Variants in LRRC75A observed in about 807,000 individuals in gnomAD.
The protein encoded by LRRC75A is leucine-rich repeat-containing protein 75A.
A neutral mutation model predicts 26.0 loss-of-function variants in LRRC75A; 12 were observed. The observed-to-expected ratio is 0.46, with a 90% CI of 0.30 to 0.75. The LOEUF (loss-of-function observed/expected upper bound fraction) is 0.75. Among genes scored for constraint, LRRC75A ranks in the 30% least tolerant of loss-of-function variants. The probability of loss-of-function intolerance (pLI) is 0.08; values close to 1 mark genes in which losing one functional copy is unlikely to be tolerated. For synonymous variants in LRRC75A, 223 were observed against 219.3 expected, an observed-to-expected ratio of 1.02 and a Z score of -0.15; for missense variants, 410 against 486.6, an observed-to-expected ratio of 0.84 and a Z score of 1.48.
intron 2 of LRRC75A, among the ~76,000 whole-genome samples, chr17:16,456,678 A>AG (rs2093688193): frequency 6.6e-6 from 1 of 152,208 alleles, no homozygotes; most frequent in African/African-American, 2.4e-5. Flanking sequence ...GGAGGGAAGG[A>AG]GGGACCTCTG....
chr17:16,444,180 T>A lies in LRRC75A; in HGVS notation c.492-49A>T, dbSNP rs1258782395. 5.5e-6 allele frequency: 8 copies of A among 1,450,220 alleles called. No individual in the cohort carries two copies. The South Asian group carries it at 1.1e-4, about 20-fold the overall frequency. 89.8% of individuals were successfully genotyped at this position (1,450,220 alleles called of 1,614,324 possible). On this transcript the variant is annotated intron_variant, in intron 3 of 3. Transcript: ENST00000470794. ...GGCTCAGGCACATAGGGCAGGCCTT[T>A]CCCCCAGAAGCTGCAGTGCCAGCCT...
chr17:16,481,049 C>T (rs2093832821), intron 1 of LRRC75A, among the ~76,000 whole-genome samples: 1 of 152,218 alleles, frequency 6.6e-6, no homozygotes, highest in Non-Finnish European at 1.5e-5. Flanking sequence ...GGTCTTCTCA[C>T]CAAAGGAGCC....
chr17:16,480,559 G>A (rs1388588548), intron 1 of LRRC75A, among the ~76,000 whole-genome samples: 1 of 151,426 alleles, frequency 6.6e-6, no homozygotes, highest in Non-Finnish European at 1.5e-5. Context: ...AACCCAGGAG[G>A]TGGAGGTTGC....
Position 16,467,841 on chromosome 17 carries a change from C to G in LRRC75A, c.247-5455G>C, listed in dbSNP as rs552294694. Among the ~76,000 whole-genome samples, 10 of 152,326 alleles carry G rather than the reference C, an allele frequency of 6.6e-5. No homozygotes were observed. The South Asian group carries it at 2.1e-3, about 32-fold the overall frequency. ...GAGGCCTCTGAAGCAACTGATATCT[C>G]TACAGCAACTTCTCCAAGTCACCAA... On this transcript the variant is annotated intron_variant, in intron 1 of 3. Transcript: ENST00000470794.
chr17:16,482,278 C>T (rs989686185), intron 1 of LRRC75A, among the ~76,000 whole-genome samples: 9 of 152,118 alleles, frequency 5.9e-5, no homozygotes, highest in African/African-American at 1.7e-4. Flanking sequence ...CTTCAGTGGA[C>T]GAGGGTGTCC....
intron 1 of LRRC75A, among the ~76,000 whole-genome samples, chr17:16,489,214 A>C (rs1233885366): frequency 1.3e-5 from 2 of 152,196 alleles, no homozygotes; most frequent in Non-Finnish European, 2.9e-5. Context: ...GGGCATACAC[A>C]AATCCAGCAG....
intron 2 of LRRC75A, among the ~76,000 whole-genome samples, chr17:16,452,874 T>C (rs894877668): frequency 6.6e-6 from 1 of 152,096 alleles, no homozygotes; most frequent in Non-Finnish European, 1.5e-5. Flanking sequence ...ATGTAGCCAG[T>C]CTCCAAAGCT....
intron 1 of LRRC75A, among the ~76,000 whole-genome samples, chr17:16,474,657 G>A (rs2093815299): frequency 6.6e-6 from 1 of 152,144 alleles, no homozygotes; most frequent in Admixed American, 6.5e-5. Flanking sequence ...AAGTCCATTT[G>A]TCCCTCTCTG....
intron 3 of LRRC75A, 90 bp from the exon 4 acceptor site, chr17:16,444,221 AC>A: frequency 9.2e-7 from 1 of 1,082,798 alleles, no homozygotes; most frequent in Non-Finnish European, 1.3e-6. Context: ...CGGCTCTCCG[AC>A]GCTAGGGACT....
At chr17:16,480,920 G>A (rs7225477) in intron 1 of LRRC75A, among the ~76,000 whole-genome samples, 10,627 of 152,252 alleles carry the variant, frequency 0.07, 1,199 homozygotes, top group African/African-American at 0.24. Context: ...GGACCACTGG[G>A]CTGGGCAGGG....
At chr17:16,452,173 G>GCAATAT (rs1276829563) in intron 2 of LRRC75A, among the ~76,000 whole-genome samples, 6 of 117,596 alleles carry the variant, frequency 5.1e-5, no homozygotes, top group South Asian at 2.9e-4. Flanking sequence ...GCAATATAGT[G>GCAATAT]AGACTTGCTC....
intron 2 of LRRC75A, among the ~76,000 whole-genome samples, chr17:16,459,619 A>G (rs1195869510): frequency 6.6e-6 from 1 of 152,238 alleles, no homozygotes; most frequent in Non-Finnish European, 1.5e-5. Flanking sequence ...AAGGATGTTC[A>G]GTGAGGTCCG....
Position 16,462,426 on chromosome 17 carries a change from C to A in LRRC75A, c.247-40G>T, listed in dbSNP as rs776214602. Reference sequence around the variant, plus strand: ...GATGCCCAGAGGTCAGGGCTGGCTGCCCACCCAGCTCGCCCACCATCCCCA... The same window carrying A: ...GATGCCCAGAGGTCAGGGCTGGCTGACCACCCAGCTCGCCCACCATCCCCA... On this transcript the variant is annotated intron_variant, in intron 1 of 3. Transcript: ENST00000470794. The surrounding 1 kb of genome is among the most constrained non-coding windows in gnomAD (Gnocchi z 4.6). 9.9e-6 allele frequency: 16 copies of A among 1,610,674 alleles called. No individual in the cohort carries two copies. The highest frequency in any genetic ancestry group is 1.3e-5 in the African/African-American group (1 of 74,920).
chr17:16,455,719 A>G (rs1220804614), intron 2 of LRRC75A, among the ~76,000 whole-genome samples: 1 of 152,166 alleles, frequency 6.6e-6, no homozygotes, highest in Non-Finnish European at 1.5e-5. Context: ...CCGCTTTACA[A>G]ATGAGGGAAC....
intron 1 of LRRC75A, among the ~76,000 whole-genome samples, chr17:16,472,290 C>A (rs993356112): frequency 6.6e-6 from 1 of 151,700 alleles, no homozygotes; most frequent in African/African-American, 2.4e-5. Flanking sequence ...TAAGTAGCTA[C>A]AAGATGTGGG....
chr17:16,476,732 ATT>A (rs1170298700), intron 1 of LRRC75A, among the ~76,000 whole-genome samples: 22,498 of 74,392 alleles, frequency 0.3, 2,372 homozygotes, highest in East Asian at 0.5. Context: ...TGCCTGGCTG[ATT>A]TTTTTTTTTT....
chr17:16,458,280 C>T (rs530681575), intron 2 of LRRC75A, among the ~76,000 whole-genome samples: 1 of 151,884 alleles, frequency 6.6e-6, no homozygotes, highest in Non-Finnish European at 1.5e-5. Context: ...GCACTCCAGC[C>T]TAGGTGATAC....
chr17:16,491,864 GC>G lies in LRRC75A; in HGVS notation c.126del (p.Arg43AlafsTer49). The G allele has an allele frequency of 7.2e-7, 1 of 1,387,442 alleles. No homozygotes were observed. Among genetic ancestry groups the G allele is most frequent in the South Asian group, 1.5e-5 (1 of 66,168 alleles). 85.9% of individuals were successfully genotyped at this position (1,387,442 alleles called of 1,614,324 possible). On this transcript the variant is annotated frameshift_variant, in exon 1 of 4. Coordinates refer to ENST00000470794, the MANE Select transcript of LRRC75A (RefSeq NM_001113567.3). LOFTEE classifies it high-confidence loss of function. This position sits in a 1 kb window ranked among gnomAD's most constrained non-coding sequence, Gnocchi z 5.9. ...TAGGGGGGCATCCCCGCGCCCGCGCGCCCCGCCTTGTCCCCGGCGCGCAGCA... is the reference window on the plus strand; with the variant it reads ...TAGGGGGGCATCCCCGCGCCCGCGCGCCCGCCTTGTCCCCGGCGCGCAGCA... ...SLLLRAGDKA[G>X]RAGAGMPPYH...
intron 1 of LRRC75A, among the ~76,000 whole-genome samples, chr17:16,484,508 G>A (rs1050386507): frequency 6.6e-5 from 10 of 152,156 alleles, no homozygotes; most frequent in Middle Eastern, 3.4e-3. Context: ...CAATCAAATC[G>A]AGCCGGGCAC....
Sources: allele counts gnomAD v4.1 joint callset (sites outside exome capture counted in the v4.1 genomes callset), GRCh38; gene constraint gnomAD v4.1.1; non-coding constraint Gnocchi (gnomAD v3.1); transcripts MANE v1.5; gene names NCBI Gene and HGNC (gene_info 2026-07-23, HGNC 2026-07-21).